Variants in PSMD14 observed in about 807,000 individuals in gnomAD.
PSMD14 encodes ubiquitin C-terminal hydrolase PSMD14.
In PSMD14, 7 loss-of-function variants were observed where a neutral mutation model predicts 41.2. The observed-to-expected ratio is 0.17, with a 90% CI of 0.10 to 0.32. The LOEUF is 0.32. Among genes scored for constraint, PSMD14 ranks in the 10% least tolerant of loss-of-function variants. The probability of loss-of-function intolerance (pLI) is 1.00; values close to 1 mark genes in which losing one functional copy is unlikely to be tolerated. For missense variants in PSMD14, 139 were observed against 375.6 expected (o/e 0.37, Z 5.21); for synonymous variants, 114 against 122.3 (o/e 0.93, Z 0.45).
At chr2:161,351,796 C>G (rs1683121874) in intron 3 of PSMD14, among the ~76,000 whole-genome samples, 1 of 152,180 alleles carries the variant, frequency 6.6e-6, no homozygotes, top group South Asian at 2.1e-4. Flanking sequence ...TATCATTGAA[C>G]ACTGACTCCT....
At position 161,344,631 on chromosome 2, in the gene PSMD14, GTGT is replaced by G. The variant is rs994971175; in HGVS notation, c.49-22845_49-22843del. ...TTTAATGATGTAGTTAACATTTCTG[GTGT>G]TCTTCTTTTTATTGTATAGATCCAT... On this transcript the variant is annotated intron_variant, in intron 3 of 11. Coordinates refer to ENST00000409682, the MANE Select transcript of PSMD14 (RefSeq NM_005805.6). Among the ~76,000 whole-genome samples the G allele has an allele frequency of 4.9e-3, 402 of 82,450 alleles. 4 individuals are homozygous for G. Among genetic ancestry groups the G allele is most frequent in the African/African-American group, 0.015 (380 of 25,040 alleles). The allele number at this position is 82,450 out of a possible 152,430, so 54.1% of individuals were successfully genotyped here. A position where few individuals can be genotyped will look rare whatever the true frequency, so the allele number is the denominator to read the frequency against.
chr2:161,347,600 T>C (rs1031741991), intron 3 of PSMD14, among the ~76,000 whole-genome samples: 1 of 152,226 alleles, frequency 6.6e-6, no homozygotes, highest in Non-Finnish European at 1.5e-5. Flanking sequence ...GTACTATTCT[T>C]AGCATTCAGA....
chr2:161,405,636 T>C (rs927667928), intron 10 of PSMD14, among the ~76,000 whole-genome samples: 13 of 152,178 alleles, frequency 8.5e-5, no homozygotes, highest in Non-Finnish European at 1.8e-4. Flanking sequence ...TAATATTGTT[T>C]ATATAGTCAA....
At chr2:161,393,383 A>AT (rs908468906) in intron 9 of PSMD14, among the ~76,000 whole-genome samples, 5 of 152,076 alleles carry the variant, frequency 3.3e-5, no homozygotes, top group Admixed American at 6.6e-5. Flanking sequence ...GGTTTTCCTA[A>AT]TTTTTTTTGG....
chr2:161,339,494 G>GC (rs1314899843), intron 3 of PSMD14, among the ~76,000 whole-genome samples: 1 of 115,388 alleles, frequency 8.7e-6, no homozygotes, highest in African/African-American at 3.2e-5. Flanking sequence ...TTTTGTTAAT[G>GC]AATTTTTTTT....
intron 10 of PSMD14, among the ~76,000 whole-genome samples, chr2:161,396,306 C>A (rs546658655): frequency 2.0e-5 from 3 of 152,114 alleles, no homozygotes; most frequent in African/African-American, 7.2e-5. Context: ...GAAATCAGTA[C>A]GTTGAAGAGA....
At chr2:161,314,810 G>A (rs1390544743) in intron 1 of PSMD14, among the ~76,000 whole-genome samples, 1 of 152,018 alleles carries the variant, frequency 6.6e-6, no homozygotes, top group Non-Finnish European at 1.5e-5. Context: ...TTCATTTTTT[G>A]GTGGACATTT....
At chr2:161,391,641 G>C (rs906158494) in intron 9 of PSMD14, among the ~76,000 whole-genome samples, 28 of 152,116 alleles carry the variant, frequency 1.8e-4, no homozygotes, top group Non-Finnish European at 4.4e-5. Context: ...TCCCAGACTA[G>C]AGTGCAATGG....
intron 3 of PSMD14, among the ~76,000 whole-genome samples, chr2:161,359,369 TG>T (rs1223216266): frequency 2.0e-5 from 3 of 152,204 alleles, no homozygotes; most frequent in Non-Finnish European, 4.4e-5. Flanking sequence ...GTAATATATT[TG>T]AGAACTGTGC....
chr2:161,380,918 A>G (rs1461569414), intron 7 of PSMD14, among the ~76,000 whole-genome samples: 1 of 151,996 alleles, frequency 6.6e-6, no homozygotes, highest in Non-Finnish European at 1.5e-5. Flanking sequence ...CTTAATTTTT[A>G]AAGAATCTAG....
chr2:161,330,390 C>A (rs1217552758), intron 3 of PSMD14, among the ~76,000 whole-genome samples: 1 of 151,972 alleles, frequency 6.6e-6, no homozygotes, highest in Non-Finnish European at 1.5e-5. Flanking sequence ...ATGTATGGGA[C>A]GTTATGATCA....
intron 10 of PSMD14, among the ~76,000 whole-genome samples, chr2:161,396,980 G>A (rs893620916): frequency 1.3e-5 from 2 of 151,830 alleles, no homozygotes; most frequent in African/African-American, 4.8e-5. Context: ...GGCGCCCGCT[G>A]CAACACCCAG....
intron 11 of PSMD14, 142 bp downstream of exon 11, chr2:161,409,041 G>T: frequency 1.7e-6 from 1 of 592,946 alleles, no homozygotes; most frequent in Non-Finnish European, 2.8e-6. Context: ...TAATTGTAAA[G>T]GTCACTAAAT....
At chr2:161,388,720 T>C (rs1428324682) in intron 8 of PSMD14, among the ~76,000 whole-genome samples, 1 of 152,168 alleles carries the variant, frequency 6.6e-6, no homozygotes, top group African/African-American at 2.4e-5. Context: ...AATTTGTCTT[T>C]AGATCCAAGC....
rs552483957 is a variant in PSMD14 at position 161,361,286 on chromosome 2, A to G, written c.49-6192A>G. 1.2e-4 allele frequency among the ~76,000 whole-genome samples: 18 copies of G among 152,344 alleles called. No homozygotes were observed. In the East Asian group the frequency reaches 3.3e-3, roughly 28 times the overall value. Reference sequence around the variant, plus strand: ...TCAATTCTATGGTGATAACTTTGAAATCTAAATGAAATGAAACTTTCTGCA... The same window carrying G: ...TCAATTCTATGGTGATAACTTTGAAGTCTAAATGAAATGAAACTTTCTGCA... On this transcript the variant is annotated intron_variant, in intron 3 of 11. Coordinates refer to ENST00000409682, the MANE Select transcript of PSMD14 (RefSeq NM_005805.6).
chr2:161,350,020 G>C (rs1404334814), intron 3 of PSMD14, among the ~76,000 whole-genome samples: 1 of 152,168 alleles, frequency 6.6e-6, no homozygotes, highest in African/African-American at 2.4e-5. Flanking sequence ...TGTCCATTTG[G>C]TGAGGGTACT....
At chr2:161,395,676 T>C (rs1683783908) in intron 10 of PSMD14, among the ~76,000 whole-genome samples, 1 of 152,230 alleles carries the variant, frequency 6.6e-6, no homozygotes, top group African/African-American at 2.4e-5. Context: ...ATATCATACA[T>C]GTATACATAT....
At chr2:161,408,786 G>A in intron 10 of PSMD14, 51 bp from the exon 11 acceptor site, 2 of 1,394,128 alleles carry the variant, frequency 1.4e-6, no homozygotes, top group East Asian at 2.4e-5. Context: ...TCCTGCAGTG[G>A]GAATAGAGGA....
chr2:161,361,537 T>G (rs1299442061), intron 3 of PSMD14, among the ~76,000 whole-genome samples: 1 of 152,168 alleles, frequency 6.6e-6, no homozygotes, highest in Non-Finnish European at 1.5e-5. Flanking sequence ...ATTTTTCAGT[T>G]TGTTTTATAA....
Sources: gnomAD v4.1 joint callset for allele counts (sites outside exome capture counted in the v4.1 genomes callset) on GRCh38, gnomAD v4.1.1 for gene constraint, MANE v1.5 for transcripts, NCBI Gene and HGNC (gene_info 2026-07-23, HGNC 2026-07-21) for gene names.